WEE2: variants seen among roughly 807,000 people sequenced by gnomAD.
WEE2 encodes wee1-like protein kinase 2.
A neutral mutation model predicts 60.1 loss-of-function variants in WEE2; 50 were observed. The ratio of observed to expected loss-of-function variants is 0.83; its 90% CI spans 0.66 to 1.05. WEE2 has a LOEUF of 1.05. WEE2 is among the 50% of genes least tolerant of loss of function. WEE2 has a pLI of 0.00. For missense variants in WEE2, 631 were observed against 684.3 expected (o/e 0.92, Z 0.87); for synonymous variants, 240 against 241.0 (o/e 1.00, Z 0.04).
intron 1 of WEE2, among the ~76,000 whole-genome samples, chr7:141,713,248 G>A (rs1798737052): frequency 6.6e-6 from 1 of 152,078 alleles, no homozygotes; most frequent in Non-Finnish European, 1.5e-5. Context: ...AAAATATCAT[G>A]GGCAGAGATG....
chr7:141,714,146 C>G (rs1383461910), intron 1 of WEE2, 63 bp from the exon 2 acceptor site: 1 of 1,350,994 alleles, frequency 7.4e-7, no homozygotes. Context: ...TATTAACTAG[C>G]TAACTGATAA....
chr7:141,717,101 T>C (rs924562835), intron 3 of WEE2, among the ~76,000 whole-genome samples: 1 of 152,224 alleles, frequency 6.6e-6, no homozygotes, highest in Non-Finnish European at 1.5e-5. Flanking sequence ...TGTTAATGTT[T>C]AGTGTGCAAA....
chr7:141,730,225 C>A, intron 11 of WEE2, 70 bp from the exon 12 acceptor site: 1 of 1,460,508 alleles, frequency 6.8e-7, no homozygotes, highest in Non-Finnish European at 9.5e-7. Flanking sequence ...AGCCATTTCT[C>A]TTCTCTATTG....
rs377093791 is a variant in WEE2, at chr7:141,727,474, G to A, written c.1535+28G>A. 6 of 1,612,302 alleles carry A rather than the reference G, an allele frequency of 3.7e-6. No individual in the cohort carries two copies. The African/African-American group carries it at 8.0e-5, about 22-fold the overall frequency. ...ATATTTTTGGATGATGGGGGGTCAAGAAAGAATCTGAGCACTACTCACAAT... is the reference window on the plus strand; with the variant it reads ...ATATTTTTGGATGATGGGGGGTCAAAAAAGAATCTGAGCACTACTCACAAT... On this transcript the variant is annotated intron_variant, in intron 10 of 11. Coordinates refer to ENST00000397541, the MANE Select transcript of WEE2 (RefSeq NM_001105558.1).
chr7:141,727,138 C>A, intron 9 of WEE2, 166 bp from the exon 10 acceptor site: 1 of 671,010 alleles, frequency 1.5e-6, no homozygotes, highest in Non-Finnish European at 2.5e-6. Context: ...ATGGACAATC[C>A]TCCTGCCCCA....
chr7:141,719,384 T>C, intron 4 of WEE2, 140 bp downstream of exon 4: 2 of 794,562 alleles, frequency 2.5e-6, no homozygotes, highest in Non-Finnish European at 3.8e-6. Context: ...TGTTATCTCA[T>C]ATTCATAACC....
intron 9 of WEE2, among the ~76,000 whole-genome samples, chr7:141,726,380 G>A (rs1471193555): frequency 1.3e-5 from 2 of 151,976 alleles, no homozygotes; most frequent in East Asian, 1.9e-4. Context: ...TCCTGGGCTC[G>A]AGCAATCCTC....
chr7:141,722,184 T>C (rs1206789249), intron 5 of WEE2, among the ~76,000 whole-genome samples: 1 of 152,062 alleles, frequency 6.6e-6, no homozygotes, highest in Non-Finnish European at 1.5e-5. Flanking sequence ...GGCGGGCAGA[T>C]CACGAGGTCA....
At position 141,714,191 on chromosome 7, in the gene WEE2, T is replaced by C. The variant is rs1310467294; in HGVS notation, c.343-18T>C. 6.3e-7 allele frequency: 1 copy of C among 1,587,080 alleles called. No individual in the cohort carries two copies. Among genetic ancestry groups the C allele is most frequent in the Admixed American group, 1.9e-5 (1 of 52,988 alleles). Reference sequence around the variant, plus strand: ...TTACTAATGCTATTATGACTTGCCTTTTGTCATCCTCATTCAGACCATGCT... The same window carrying C: ...TTACTAATGCTATTATGACTTGCCTCTTGTCATCCTCATTCAGACCATGCT... On this transcript the variant is annotated intron_variant, in intron 1 of 11. Coordinates refer to ENST00000397541, the MANE Select transcript of WEE2 (RefSeq NM_001105558.1).
chr7:141,725,952 A>G (rs1799010463), intron 9 of WEE2, among the ~76,000 whole-genome samples: 1 of 152,200 alleles, frequency 6.6e-6, no homozygotes. Context: ...AAAAGAATGA[A>G]TTTCTATTAT....
At chr7:141,709,218 C>A in intron 1 of WEE2, 118 bp downstream of exon 1, 1 of 694,958 alleles carries the variant, frequency 1.4e-6, no homozygotes. Context: ...TGTATATCCT[C>A]AATTACACAT....
At chr7:141,719,487 T>C (rs1220127442) in intron 4 of WEE2, among the ~76,000 whole-genome samples, 1 of 152,180 alleles carries the variant, frequency 6.6e-6, no homozygotes, top group African/African-American at 2.4e-5. Context: ...GTTTGTTTTC[T>C]GTCACCAGGC....
chr7:141,729,988 TAAAAA>T (rs752330849), intron 11 of WEE2, among the ~76,000 whole-genome samples: 1 of 99,350 alleles, frequency 1.0e-5, no homozygotes, highest in African/African-American at 3.7e-5. Context: ...ACTCTGTATC[TAAAAA>T]AAAAAAAAAA....
In WEE2 at chr7:141,709,058, C is replaced by T. The variant is rs200952105; in HGVS notation, c.300C>T (p.Ser100=). The change falls in exon 1 of 12, where the codon AGC becomes AGT. Residue 100 remains serine, a synonymous_variant. Transcript: ENST00000397541. The part of the protein sequence containing the change: ...KCPETPAQPD[S]RSKLLPSDSP... ...CTGAGACACCAGCCCAACCAGACAG[C>T]AGGAGCAAGCTGCTGCCCAGTGACA... 617 of 1,614,100 alleles carry T rather than the reference C, an allele frequency of 3.8e-4. 13 individuals carry two copies. The South Asian group carries it at 6.3e-3, about 16-fold the overall frequency.
intron 10 of WEE2, 179 bp downstream of exon 10, chr7:141,727,625 G>A: frequency 1.0e-5 from 7 of 702,424 alleles, no homozygotes; most frequent in Non-Finnish European, 1.5e-5. Context: ...CGGGCTGGGA[G>A]GCTCTGTGAT....
chr7:141,720,023 C>T (rs1798879421), intron 4 of WEE2, among the ~76,000 whole-genome samples: 1 of 152,022 alleles, frequency 6.6e-6, no homozygotes, highest in South Asian at 2.1e-4. Context: ...AAAAGTTCTT[C>T]CTTAATCACA....
intron 8 of WEE2, 42 bp from the exon 9 acceptor site, chr7:141,724,984 T>G: frequency 1.9e-6 from 3 of 1,596,676 alleles, no homozygotes; most frequent in Non-Finnish European, 2.6e-6. Flanking sequence ...AGACTCACCC[T>G]GCTTGGCATA....
At chr7:141,712,321 C>T (rs904420130) in intron 1 of WEE2, among the ~76,000 whole-genome samples, 28 of 152,270 alleles carry the variant, frequency 1.8e-4, no homozygotes, top group Admixed American at 3.3e-4. Context: ...AGGTTGCCTT[C>T]TCTTCTCACC....
At chr7:141,722,068 C>G (rs575472982) in intron 5 of WEE2, among the ~76,000 whole-genome samples, 58 of 152,260 alleles carry the variant, frequency 3.8e-4, no homozygotes, top group Admixed American at 7.2e-4. Context: ...CCAGTTAGAG[C>G]TGGGTCTCTA....
Sources: gnomAD v4.1 joint callset for allele counts (sites outside exome capture counted in the v4.1 genomes callset) on GRCh38, gnomAD v4.1.1 for gene constraint, MANE v1.5 for transcripts, NCBI Gene and HGNC (gene_info 2026-07-23, HGNC 2026-07-21) for gene names.